PIEZO2: variants seen among roughly 807,000 people sequenced by gnomAD.
PIEZO2 encodes piezo-type mechanosensitive ion channel component 2.
PIEZO2 carries 172 observed loss-of-function variants against 337.3 expected under a neutral mutation model. The ratio of observed to expected loss-of-function variants is 0.51; its 90% confidence interval spans 0.45 to 0.58. The LOEUF is 0.58. PIEZO2 is among the 20% of genes least tolerant of loss of function. The pLI, the probability that PIEZO2 is intolerant of heterozygous loss-of-function variation, is 0.00. For synonymous variants in PIEZO2, 1,251 were observed against 1,228.5 expected (o/e 1.02, Z -0.38); for missense variants, 3,028 against 3,391.3 (o/e 0.89, Z 2.66).
At chr18:11,041,404 G>C (rs1201979286) in intron 2 of PIEZO2, among the ~76,000 whole-genome samples, 1 of 152,174 alleles carries the variant, frequency 6.6e-6, no homozygotes, top group East Asian at 1.9e-4. Context: ...TTGGAGGAAA[G>C]AGTGGCCTTG....
intron 1 of PIEZO2, among the ~76,000 whole-genome samples, chr18:11,139,454 G>T (rs1183724750): frequency 1.3e-5 from 2 of 152,090 alleles, no homozygotes; most frequent in African/African-American, 4.8e-5. Context: ...ATCTTGATAA[G>T]CCCCTAATTG....
At chr18:11,049,203 T>C (rs2037428294) in intron 2 of PIEZO2, among the ~76,000 whole-genome samples, 1 of 152,218 alleles carries the variant, frequency 6.6e-6, no homozygotes, top group African/African-American at 2.4e-5. Flanking sequence ...TGATGAGTTC[T>C]TGTGAACAGC....
Position 10,680,183 on chromosome 18 carries a change from G to A in PIEZO2, c.7952+16C>T, listed in dbSNP as rs748061303. On this transcript the variant is annotated intron_variant, in intron 52 of 55. Coordinates refer to ENST00000674853, the MANE Select transcript of PIEZO2 (RefSeq NM_001378183.1). ...TGGGGAAAGGGATAAATTATACATG[G>A]AAATACAGTAACTACCTCTGAATAC... 5.0e-6 allele frequency: 8 copies of A among 1,597,588 alleles called. No homozygotes were observed. In the East Asian group the frequency reaches 1.6e-4, roughly 31 times the overall value.
intron 11 of PIEZO2, among the ~76,000 whole-genome samples, chr18:10,799,690 C>T (rs74976557): frequency 0.056 from 8,553 of 152,210 alleles, 294 homozygotes; most frequent in Non-Finnish European, 0.066. Context: ...AAAAAACACT[C>T]AGCCGGGTGC....
chr18:10,720,415 GTATGTATATATATATATATATATATATA>G (rs1381351806), intron 36 of PIEZO2, among the ~76,000 whole-genome samples: 1,279 of 39,870 alleles, frequency 0.032, 126 homozygotes, highest in Admixed American at 0.035. Context: ...ATGTGTATGT[GTATGTATATATATATATATATATATATA>G]TATATATATA....
chr18:10,866,867 G>A lies in PIEZO2; in HGVS notation c.492+4386C>T, dbSNP rs548907499. 1.5e-3 allele frequency among the ~76,000 whole-genome samples: 233 copies of A among 152,274 alleles called. 1 individual carries two copies. The highest frequency in any genetic ancestry group is 3.1e-3 in the Non-Finnish European group (214 of 68,018). On this transcript the variant is annotated intron_variant, in intron 5 of 55. Transcript: ENST00000674853. ...CTAATGGCATCTAAAACTACTAGGAGTAAAACCTTTGTCCAAATTGTGAAA... is the reference window on the plus strand; with the variant it reads ...CTAATGGCATCTAAAACTACTAGGAATAAAACCTTTGTCCAAATTGTGAAA...
At chr18:10,777,441 C>A (rs1918681) in intron 18 of PIEZO2, among the ~76,000 whole-genome samples, 7,910 of 152,272 alleles carry the variant, frequency 0.052, 236 homozygotes, top group African/African-American at 0.08. Flanking sequence ...CTACTCATCA[C>A]CCTTACAAAA....
intron 39 of PIEZO2, among the ~76,000 whole-genome samples, chr18:10,712,942 T>C (rs759940263): frequency 2.6e-5 from 4 of 152,190 alleles, no homozygotes; most frequent in Non-Finnish European, 5.9e-5. Context: ...AATATCTGTG[T>C]CTTTGGAACT....
chr18:10,734,232 G>T (rs926980694), intron 35 of PIEZO2, among the ~76,000 whole-genome samples: 3 of 152,196 alleles, frequency 2.0e-5, no homozygotes, highest in Non-Finnish European at 4.4e-5. Flanking sequence ...AAAAGGAAAA[G>T]AATTTGGGAG....
At chr18:11,045,751 C>A (rs546748647) in intron 2 of PIEZO2, among the ~76,000 whole-genome samples, 70 of 152,270 alleles carry the variant, frequency 4.6e-4, no homozygotes, top group Non-Finnish European at 8.5e-4. Context: ...TTCACACATA[C>A]AGAATCTGTA....
At chr18:11,010,353 G>A (rs751342212) in intron 2 of PIEZO2, among the ~76,000 whole-genome samples, 1 of 152,212 alleles carries the variant, frequency 6.6e-6, no homozygotes, top group Non-Finnish European at 1.5e-5. Flanking sequence ...GTCCCTGTGA[G>A]CAGATGCTGA....
Position 11,110,171 on chromosome 18 carries a change from C to T in PIEZO2, c.64+38354G>A, listed in dbSNP as rs2039688651. On this transcript the variant is annotated intron_variant, in intron 1 of 55. Coordinates refer to ENST00000674853, the MANE Select transcript of PIEZO2 (RefSeq NM_001378183.1). This position sits in a 1 kb window ranked among gnomAD's most constrained non-coding sequence, Gnocchi z 4.2. ...ACAGCATCTTACTCTATCACCCAGG[C>T]TGGAGTAAAGTGGTGTGATCATAGC... Among the ~76,000 whole-genome samples, 2 of 152,146 alleles carry T rather than the reference C, an allele frequency of 1.3e-5. No homozygotes were observed. The highest frequency in any genetic ancestry group is 2.9e-5 in the Non-Finnish European group (2 of 68,028).
At chr18:10,729,965 A>G (rs1250550616) in intron 36 of PIEZO2, among the ~76,000 whole-genome samples, 2 of 152,246 alleles carry the variant, frequency 1.3e-5, no homozygotes, top group Admixed American at 6.5e-5. Context: ...TCCATAATAT[A>G]TTAGTAACAT....
At position 10,752,456 on chromosome 18, in the gene PIEZO2, ACT is replaced by A. The variant is rs963364229; in HGVS notation, c.4167+178_4167+179del. On this transcript the variant is annotated intron_variant, in intron 28 of 55. Coordinates refer to ENST00000674853, the MANE Select transcript of PIEZO2 (RefSeq NM_001378183.1). ...GAAATGGTGAAAATGAGGAAAAAGGACTCTGTTTAACGTGGCAAGACAGAGAG... is the reference window on the plus strand; with the variant it reads ...GAAATGGTGAAAATGAGGAAAAAGGACTGTTTAACGTGGCAAGACAGAGAG... Among the ~76,000 whole-genome samples, 118 of 152,276 alleles carry A rather than the reference ACT, an allele frequency of 7.7e-4. 1 individual carries two copies. Among genetic ancestry groups the A allele is most frequent in the African/African-American group, 2.8e-3 (116 of 41,554 alleles).
At chr18:11,103,812 T>TGC (rs1568376085) in intron 1 of PIEZO2, among the ~76,000 whole-genome samples, 2 of 151,626 alleles carry the variant, frequency 1.3e-5, no homozygotes, top group Middle Eastern at 3.4e-3. Flanking sequence ...TGTGTGTGCG[T>TGC]GTGTGCGTGT....
intron 36 of PIEZO2, among the ~76,000 whole-genome samples, chr18:10,730,571 A>G (rs565675679): frequency 6.6e-6 from 1 of 152,240 alleles, no homozygotes; most frequent in African/African-American, 2.4e-5. Flanking sequence ...ATAGTTTGAA[A>G]TATTTTTACC....
intron 29 of PIEZO2, among the ~76,000 whole-genome samples, chr18:10,749,600 G>T (rs574320298): frequency 6.6e-6 from 1 of 152,296 alleles, no homozygotes; most frequent in South Asian, 2.1e-4. Context: ...CAGGGTGGTG[G>T]CAATGACACT....
At chr18:10,873,474 T>C (rs1403821543) in intron 4 of PIEZO2, among the ~76,000 whole-genome samples, 6 of 152,310 alleles carry the variant, frequency 3.9e-5, no homozygotes, top group Middle Eastern at 3.4e-3. Context: ...CTTCCTTCTA[T>C]ACATGGATGT....
At chr18:11,022,462 G>C (rs2036346110) in intron 2 of PIEZO2, among the ~76,000 whole-genome samples, 1 of 152,186 alleles carries the variant, frequency 6.6e-6, no homozygotes, top group South Asian at 2.1e-4. Context: ...CAGTTGTAAA[G>C]GCTAGAAGCC....
Sources: gnomAD v4.1 joint callset for allele counts (sites outside exome capture counted in the v4.1 genomes callset) on GRCh38, gnomAD v4.1.1 for gene constraint, Gnocchi (gnomAD v3.1) non-coding constraint, MANE v1.5 for transcripts, NCBI Gene and HGNC (gene_info 2026-07-23, HGNC 2026-07-21) for gene names.